Variants in MTA3 observed in about 807,000 individuals in gnomAD.
The protein encoded by MTA3 is metastasis-associated protein MTA3.
A neutral mutation model predicts 83.5 loss-of-function variants in MTA3; 34 were observed. The observed-to-expected ratio is 0.41, with a 90% CI of 0.31 to 0.54. The LOEUF is 0.54. MTA3 is among the 20% of genes least tolerant of loss of function. The probability of loss-of-function intolerance (pLI) is 0.33; values close to 1 mark genes in which losing one functional copy is unlikely to be tolerated. For synonymous variants in MTA3, 303 were observed against 252.7 expected (o/e 1.20, Z -1.89); for missense variants, 761 against 726.4 (o/e 1.05, Z -0.55).
chr2:42,730,198 T>G (rs186190823), intron 16 of MTA3, among the ~76,000 whole-genome samples: 1 of 152,204 alleles, frequency 6.6e-6, no homozygotes, highest in South Asian at 2.1e-4. Context: ...ATTTTCCAAT[T>G]TGATGACTTT....
chr2:42,539,031 C>A (rs1238338700), intron 2 of MTA3, among the ~76,000 whole-genome samples: 1 of 151,894 alleles, frequency 6.6e-6, no homozygotes, highest in African/African-American at 2.4e-5. Context: ...GCCTCGGCCT[C>A]CCAAAGTGCT....
chr2:42,497,816 C>T (rs1674214979), intron 2 of MTA3, among the ~76,000 whole-genome samples: 2 of 152,216 alleles, frequency 1.3e-5, no homozygotes, highest in Non-Finnish European at 2.9e-5. Flanking sequence ...AGAAACATCT[C>T]ACTTCATGTA....
At chr2:42,665,437 T>A (rs557827061) in intron 8 of MTA3, among the ~76,000 whole-genome samples, 1 of 152,094 alleles carries the variant, frequency 6.6e-6, no homozygotes, top group South Asian at 2.1e-4. Flanking sequence ...CTTACATTGA[T>A]CCTTTCTACC....
chr2:42,551,145 G>GCTCGA (rs1677091485), intron 2 of MTA3, among the ~76,000 whole-genome samples: 1 of 152,016 alleles, frequency 6.6e-6, no homozygotes, highest in Admixed American at 6.6e-5. Context: ...ACAGCTTTGA[G>GCTCGA]CTCGGGTCAT....
rs369620369 is a variant in MTA3 at position 42,609,437 on chromosome 2, C to A, written c.191-21C>A. On this transcript the variant is annotated intron_variant, in intron 3 of 16. Coordinates refer to ENST00000405094, the MANE Select transcript of MTA3 (RefSeq NM_001330442.2). ...ATAATGTGCTTTGTACTAATAAATT[C>A]TTTGAATTTTATTTGTGTAGAAGAA... The A allele has an allele frequency of 9.3e-6, 15 of 1,610,180 alleles. No homozygotes were observed. The African/African-American group carries it at 1.7e-4, about 19-fold the overall frequency.
intron 4 of MTA3, among the ~76,000 whole-genome samples, chr2:42,630,830 C>CAA (rs1363517277): frequency 6.6e-6 from 1 of 152,054 alleles, no homozygotes; most frequent in Admixed American, 6.6e-5. Context: ...CTCCATTGGT[C>CAA]AAAGCAGGGA....
chr2:42,550,054 T>C (rs1311190184), intron 2 of MTA3, among the ~76,000 whole-genome samples: 1 of 152,024 alleles, frequency 6.6e-6, no homozygotes, highest in African/African-American at 2.4e-5. Context: ...AATTCAGATA[T>C]GCCAAAGAGC....
intron 4 of MTA3, among the ~76,000 whole-genome samples, chr2:42,623,600 A>G (rs1013765724): frequency 1.3e-5 from 2 of 151,860 alleles, no homozygotes; most frequent in Admixed American, 1.3e-4. Flanking sequence ...TTGTTGAAGA[A>G]ACTGGGATTT....
At position 42,657,980 on chromosome 2, in the gene MTA3, G is replaced by A. The variant is rs142027392; in HGVS notation, c.602+1678G>A. Among the ~76,000 whole-genome samples, 15 of 147,258 alleles carry A rather than the reference G, an allele frequency of 1.0e-4. No individual in the cohort carries two copies. In the East Asian group the frequency reaches 3.1e-3, roughly 31 times the overall value. On this transcript the variant is annotated intron_variant, in intron 7 of 16. Transcript: ENST00000405094. ...CCAGCTACTTGGGAGACTGAGGCGG[G>A]AAAATTGCTTGAACTTGCGAGACGG...
chr2:42,735,861 G>C (rs947990352), intron 16 of MTA3, among the ~76,000 whole-genome samples: 1 of 152,018 alleles, frequency 6.6e-6, no homozygotes, highest in East Asian at 1.9e-4. Context: ...GAATTCTGTT[G>C]TGCTTCCTCA....
chr2:42,595,970 A>C (rs967893256), intron 3 of MTA3, among the ~76,000 whole-genome samples: 4 of 152,190 alleles, frequency 2.6e-5, no homozygotes, highest in African/African-American at 9.6e-5. Context: ...CATTCTGCCC[A>C]GTTTTTGAAA....
In MTA3 at chr2:42,755,287, T is replaced by G. The variant is rs1470601058; in HGVS notation, c.*1888T>G. ...CTCTGAACCCCTACTAAGTGGTGACTGCAGATTCTGGAAACAATTAGCTGC... is the reference window on the plus strand; with the variant it reads ...CTCTGAACCCCTACTAAGTGGTGACGGCAGATTCTGGAAACAATTAGCTGC... On this transcript the variant is annotated 3_prime_UTR_variant, in exon 17 of 17. Transcript: ENST00000405094. 1.0e-6 allele frequency: 1 copy of G among 985,354 alleles called. No homozygotes were observed. Among genetic ancestry groups the G allele is most frequent in the Non-Finnish European group, 1.2e-6 (1 of 829,968 alleles). The allele number at this position is 985,354 out of a possible 1,614,324, so 61.0% of individuals were successfully genotyped here.
intron 4 of MTA3, among the ~76,000 whole-genome samples, chr2:42,612,721 C>G (rs1684377256): frequency 6.6e-6 from 1 of 151,912 alleles, no homozygotes; most frequent in Non-Finnish European, 1.5e-5. Flanking sequence ...ATTAGCTGAG[C>G]ATGGTGGCAC....
chr2:42,740,483 T>C (rs1668948522), intron 16 of MTA3, among the ~76,000 whole-genome samples: 1 of 152,192 alleles, frequency 6.6e-6, no homozygotes, highest in Admixed American at 6.5e-5. Flanking sequence ...CCAGCCTGGG[T>C]GACAAAGCAG....
chr2:42,558,496 C>T (rs1341823000), intron 2 of MTA3, among the ~76,000 whole-genome samples: 1 of 151,690 alleles, frequency 6.6e-6, no homozygotes, highest in Non-Finnish European at 1.5e-5. Context: ...GCCATCTGCC[C>T]ACCTCGGCCT....
chr2:42,722,790 G>A (rs1007371693), intron 15 of MTA3, 99 bp from the exon 16 acceptor site: 2 of 1,377,054 alleles, frequency 1.5e-6, no homozygotes, highest in East Asian at 5.0e-5. Flanking sequence ...CTGACTCTCA[G>A]CTCATTAAGA....
intron 14 of MTA3, among the ~76,000 whole-genome samples, chr2:42,710,879 G>A (rs1475664560): frequency 1.3e-5 from 2 of 152,054 alleles, no homozygotes; most frequent in Admixed American, 6.6e-5. Flanking sequence ...AGGAGTTAGA[G>A]ACTAGCCTGG....
intron 16 of MTA3, among the ~76,000 whole-genome samples, chr2:42,750,903 T>C (rs1050864234): frequency 7.2e-5 from 11 of 152,208 alleles, no homozygotes; most frequent in African/African-American, 2.4e-4. Context: ...AGCCTTTAAC[T>C]CCTCTTCCTT....
intron 4 of MTA3, 117 bp from the exon 5 acceptor site, chr2:42,640,056 T>C (rs946424247): frequency 1.4e-6 from 1 of 690,866 alleles, no homozygotes; most frequent in East Asian, 2.9e-5. Context: ...AAAATATATA[T>C]TCCTAACTGC....
Sources: allele counts gnomAD v4.1 joint callset (sites outside exome capture counted in the v4.1 genomes callset), GRCh38; gene constraint gnomAD v4.1.1; transcripts MANE v1.5; gene names NCBI Gene and HGNC (gene_info 2026-07-23, HGNC 2026-07-21).